The following LIPA variants were observed in gnomAD, a reference collection of about 807,000 sequenced individuals.
LIPA encodes the protein lipase A, lysosomal acid type.
In LIPA, 26 loss-of-function variants were observed where a neutral mutation model predicts 40.6. The observed-to-expected ratio is 0.64, with a 90% CI of 0.47 to 0.89. The LOEUF (loss-of-function observed/expected upper bound fraction) is 0.89. Among genes scored for constraint, LIPA ranks in the 40% least tolerant of loss-of-function variants. LIPA has a pLI of 0.00. For missense variants in LIPA, 455 were observed against 479.6 expected, an observed-to-expected ratio of 0.95 and a Z score of 0.48; for synonymous variants, 188 against 168.4, an observed-to-expected ratio of 1.12 and a Z score of -0.90.
Position 89,390,127 on chromosome 10 carries a change from C to T in LIPA, c.61+22664G>A, listed in dbSNP as rs535794538. The stretch of plus-strand genomic sequence containing the variant: ...TCAGCCTCCCGAGTAGCTGGGATTA[C>T]AGGCATGTGCCACCACGCCCGGCTA... On this transcript the variant is annotated intron_variant, in intron 2 of 8. Transcript: ENST00000371837. Among the ~76,000 whole-genome samples the T allele has an allele frequency of 2.5e-3, 377 of 152,066 alleles. 3 individuals carry two copies. Among genetic ancestry groups the T allele is most frequent in the Middle Eastern group, 6.8e-3 (2 of 294 alleles).
intron 2 of LIPA, among the ~76,000 whole-genome samples, chr10:89,349,229 G>C (rs1474139935): frequency 6.6e-6 from 1 of 152,120 alleles, no homozygotes; most frequent in East Asian, 1.9e-4. Context: ...TGTCCAGACA[G>C]ACTTCGTCAC....
chr10:89,408,371 A>G (rs1383886343), intron 2 of LIPA, among the ~76,000 whole-genome samples: 1 of 152,230 alleles, frequency 6.6e-6, no homozygotes, highest in Non-Finnish European at 1.5e-5. Flanking sequence ...ATTGAAGGAA[A>G]ATACACAACT....
intron 3 of LIPA, among the ~76,000 whole-genome samples, chr10:89,232,467 G>A (rs754782784): frequency 4.6e-5 from 7 of 152,170 alleles, no homozygotes; most frequent in Admixed American, 6.5e-5. Flanking sequence ...AGGAAGGCTC[G>A]GTAGGTGGCC....
intron 1 of LIPA, among the ~76,000 whole-genome samples, chr10:89,303,835 A>G (rs976432176): frequency 1.3e-5 from 2 of 152,236 alleles, no homozygotes; most frequent in Non-Finnish European, 2.9e-5. Context: ...CAAGGAAGCT[A>G]TAGTGAGTCT....
At chr10:89,217,883 A>G (rs1250111803) in intron 8 of LIPA, among the ~76,000 whole-genome samples, 1 of 152,222 alleles carries the variant, frequency 6.6e-6, no homozygotes, top group Non-Finnish European at 1.5e-5. Context: ...GCCAAAACTT[A>G]CCATTTCAAA....
At chr10:89,332,411 T>G in intron 1 of LIPA, 36 of 1,200,724 alleles carry the variant, frequency 3.0e-5, no homozygotes, top group Non-Finnish European at 3.7e-5. Context: ...CTGGCGTGAG[T>G]GAGCTCAGTT....
In LIPA at chr10:89,376,212, A is replaced by G. The variant is rs577781176; in HGVS notation, c.61+36579T>C. On this transcript the variant is annotated intron_variant, in intron 2 of 8. Coordinates refer to the LIPA transcript ENST00000371837. ...TAAAAAAAAAAAAAAAAAAAAAAGA[A>G]GAAGAAGTCAAGAGGTCCAGCACAT... 2.1e-4 allele frequency among the ~76,000 whole-genome samples: 31 copies of G among 151,090 alleles called. No homozygotes were observed. The East Asian group carries it at 6.0e-3, about 29-fold the overall frequency.
At chr10:89,233,918 G>T (rs1326665695) in intron 3 of LIPA, among the ~76,000 whole-genome samples, 1 of 151,854 alleles carries the variant, frequency 6.6e-6, no homozygotes, top group African/African-American at 2.4e-5. Context: ...AATTACTTTT[G>T]CCCCAAACTA....
At position 89,215,039 on chromosome 10, in the gene LIPA, A is replaced by G. The variant is rs1448944849; in HGVS notation, c.989T>C (p.Val330Ala). ...YNQSYPPTYN[V>A]KDMLVPTAVW... ...TGCAGTCGGCACAAGCATGTCCTTCACATTGTATGTGGGAGGATAACTCTA... is the reference window on the plus strand; with the variant it reads ...TGCAGTCGGCACAAGCATGTCCTTCGCATTGTATGTGGGAGGATAACTCTA... The change falls in exon 10 of 10, where the codon GTG becomes GCG. Residue 330 changes from valine (V) to alanine (A), a missense_variant. Coordinates refer to ENST00000336233, the MANE Select transcript of LIPA (RefSeq NM_000235.4). 6.2e-7 allele frequency: 1 copy of G among 1,613,328 alleles called. No individual in the cohort carries two copies.
chr10:89,412,760 A>C (rs1841483922), intron 2 of LIPA: 2 of 435,890 alleles, frequency 4.6e-6, no homozygotes, highest in Non-Finnish European at 9.1e-6. Flanking sequence ...CTGCAGCTGC[A>C]CTCCTGAAGT....
At chr10:89,220,720 T>C (rs895441034) in intron 8 of LIPA, among the ~76,000 whole-genome samples, 1 of 152,048 alleles carries the variant, frequency 6.6e-6, no homozygotes, top group Non-Finnish European at 1.5e-5. Flanking sequence ...CCTAGTTCCT[T>C]AGAGACGAGC....
At chr10:89,356,101 T>C (rs1261299390) in intron 2 of LIPA, among the ~76,000 whole-genome samples, 2 of 152,238 alleles carry the variant, frequency 1.3e-5, no homozygotes, top group South Asian at 2.1e-4. Context: ...TGCCCTGATT[T>C]CTTTCTTGTG....
chr10:89,285,544 A>G (rs1322046256), intron 1 of LIPA, among the ~76,000 whole-genome samples: 1 of 152,126 alleles, frequency 6.6e-6, no homozygotes, highest in African/African-American at 2.4e-5. Context: ...CACCGTGGGG[A>G]TGCCTGCCTT....
At chr10:89,333,810 A>C (rs1008590067) in intron 1 of LIPA, among the ~76,000 whole-genome samples, 3 of 152,250 alleles carry the variant, frequency 2.0e-5, no homozygotes, top group Non-Finnish European at 4.4e-5. Context: ...TGAAGCTGAG[A>C]TCCCCCGGGA....
At chr10:89,371,644 G>A (rs1844091951) in intron 2 of LIPA, among the ~76,000 whole-genome samples, 1 of 152,172 alleles carries the variant, frequency 6.6e-6, no homozygotes, top group South Asian at 2.1e-4. Flanking sequence ...AGCATTACTG[G>A]TTTGCTGAAC....
At chr10:89,328,121 C>T in intron 1 of LIPA, 2 of 1,601,268 alleles carry the variant, frequency 1.2e-6, no homozygotes, top group Non-Finnish European at 1.7e-6. Flanking sequence ...TTTTTGAGTG[C>T]AAATTGTAAG....
chr10:89,225,063 G>C, intron 6 of LIPA, 29 bp downstream of exon 6: 1 of 1,612,232 alleles, frequency 6.2e-7, no homozygotes, highest in Non-Finnish European at 8.5e-7. Context: ...TCTGCGGGGA[G>C]AGGAGAGGGA....
intron 2 of LIPA, chr10:89,402,212 T>C: frequency 5.3e-6 from 5 of 937,460 alleles, no homozygotes; most frequent in Non-Finnish European, 8.2e-6. Context: ...AAATACAAGG[T>C]ATTTTATCTG....
intron 2 of LIPA, among the ~76,000 whole-genome samples, chr10:89,389,931 G>C (rs1377100920): frequency 6.6e-6 from 1 of 151,412 alleles, no homozygotes; most frequent in Non-Finnish European, 1.5e-5. Context: ...CTGGTTCCCG[G>C]CTCAGGGCGC....
Sources: allele counts gnomAD v4.1 joint callset (sites outside exome capture counted in the v4.1 genomes callset), GRCh38; gene constraint gnomAD v4.1.1; transcripts MANE v1.5; gene names NCBI Gene and HGNC (gene_info 2026-07-23, HGNC 2026-07-21).